Variants in PALS1 observed in about 807,000 individuals in gnomAD.
PALS1 encodes protein associated with LIN7 1, MAGUK p55 family member, also known as protein PALS1.
Under a neutral mutation model 78.9 loss-of-function variants are expected in PALS1, and 31 were observed. The ratio of observed to expected loss-of-function variants is 0.39; its 90% CI spans 0.30 to 0.53. PALS1 has a LOEUF of 0.53. Among genes scored for constraint, PALS1 ranks in the 20% least tolerant of loss-of-function variants. The probability of loss-of-function intolerance (pLI) is 0.67; values close to 1 mark genes in which losing one functional copy is unlikely to be tolerated. For missense variants in PALS1, 704 were observed against 826.5 expected, an observed-to-expected ratio of 0.85 and a Z score of 1.82; for synonymous variants, 276 against 270.9, an observed-to-expected ratio of 1.02 and a Z score of -0.18.
intron 2 of PALS1, among the ~76,000 whole-genome samples, chr14:67,275,729 T>C (rs111438880): frequency 0.31 from 47,496 of 152,058 alleles, 11,393 homozygotes; most frequent in African/African-American, 0.65. Flanking sequence ...TCGTAGAATT[T>C]GGCTGCGAAT....
At chr14:67,242,908 A>G (rs141478077) in intron 1 of PALS1, among the ~76,000 whole-genome samples, 1 of 152,292 alleles carries the variant, frequency 6.6e-6, no homozygotes, top group Non-Finnish European at 1.5e-5. Context: ...AGAATATATA[A>G]GTTCTACTTG....
chr14:67,253,840 A>G (rs1204068631), intron 1 of PALS1, among the ~76,000 whole-genome samples: 1 of 151,912 alleles, frequency 6.6e-6, no homozygotes, highest in Non-Finnish European at 1.5e-5. Context: ...CCCTGTCTCA[A>G]AAAGAAAAAA....
At position 67,296,330 on chromosome 14, in the gene PALS1, G is replaced by C. The variant is rs554708487; in HGVS notation, c.576+3611G>C. Among the ~76,000 whole-genome samples, 5 of 152,182 alleles carry C rather than the reference G, an allele frequency of 3.3e-5. No individual in the cohort carries two copies. The South Asian group carries it at 1.0e-3, about 32-fold the overall frequency. ...AGATGGTGTCCAGACGCCGGATGCA[G>C]TGGCTCACGCCTGTAATCCCAGCAT... On this transcript the variant is annotated intron_variant, in intron 4 of 14. Coordinates refer to ENST00000261681, the MANE Select transcript of PALS1 (RefSeq NM_022474.4).
intron 2 of PALS1, among the ~76,000 whole-genome samples, chr14:67,276,414 C>T (rs186785338): frequency 4.7e-4 from 71 of 152,254 alleles, no homozygotes; most frequent in African/African-American, 1.5e-3. Context: ...TTTTTAGTTG[C>T]CCTTTGAAAT....
At chr14:67,246,690 C>G (rs962492826) in intron 1 of PALS1, among the ~76,000 whole-genome samples, 26 of 124,402 alleles carry the variant, frequency 2.1e-4, no homozygotes, top group Admixed American at 1.0e-4. Flanking sequence ...CTTGCTCTCT[C>G]GCCAGGCTGG....
intron 4 of PALS1, among the ~76,000 whole-genome samples, chr14:67,296,932 G>A (rs2084863334): frequency 6.6e-6 from 1 of 152,168 alleles, no homozygotes; most frequent in African/African-American, 2.4e-5. Flanking sequence ...TGGGATTACA[G>A]GCGTGAGCCA....
chr14:67,277,654 C>T (rs189254616), intron 2 of PALS1, among the ~76,000 whole-genome samples: 14 of 151,666 alleles, frequency 9.2e-5, no homozygotes, highest in African/African-American at 3.4e-4. Flanking sequence ...ATGTAAACAA[C>T]CTGCCTATGT....
intron 14 of PALS1, among the ~76,000 whole-genome samples, chr14:67,325,564 A>G (rs1308825728): frequency 6.6e-6 from 1 of 152,182 alleles, no homozygotes; most frequent in Non-Finnish European, 1.5e-5. Context: ...TAACAAGAGA[A>G]ACGAGATTAA....
chr14:67,268,306 G>C (rs2084360211), intron 1 of PALS1, among the ~76,000 whole-genome samples: 1 of 152,174 alleles, frequency 6.6e-6, no homozygotes, highest in Non-Finnish European at 1.5e-5. Flanking sequence ...TGTTGAGATA[G>C]AACTCTCATA....
At chr14:67,244,206 CTT>C (rs1407217998) in intron 1 of PALS1, among the ~76,000 whole-genome samples, 1 of 152,100 alleles carries the variant, frequency 6.6e-6, no homozygotes, top group Non-Finnish European at 1.5e-5. Context: ...TAATGAATAT[CTT>C]TGTGTATGTC....
At chr14:67,307,359 T>TC (rs1431488982) in intron 8 of PALS1, among the ~76,000 whole-genome samples, 1 of 152,222 alleles carries the variant, frequency 6.6e-6, no homozygotes, top group African/African-American at 2.4e-5. Flanking sequence ...TGGGACTTTT[T>TC]CATTTAGTCT....
chr14:67,278,341 C>CTTTT (rs551435645), intron 2 of PALS1, among the ~76,000 whole-genome samples: 3 of 138,246 alleles, frequency 2.2e-5, no homozygotes, highest in Non-Finnish European at 4.8e-5. Context: ...CGGCCCAATT[C>CTTTT]TTTTTTTTTT....
At chr14:67,242,788 C>G (rs1171036437) in intron 1 of PALS1, among the ~76,000 whole-genome samples, 2 of 152,126 alleles carry the variant, frequency 1.3e-5, no homozygotes, top group Non-Finnish European at 1.5e-5. Flanking sequence ...CTTTAAAAAT[C>G]TGGTAAATTT....
chr14:67,243,192 T>C (rs2083930441), intron 1 of PALS1, among the ~76,000 whole-genome samples: 1 of 151,882 alleles, frequency 6.6e-6, no homozygotes, highest in Non-Finnish European at 1.5e-5. Flanking sequence ...AATTGTCTTT[T>C]CTTTTTTTTT....
At chr14:67,320,733 A>G (rs1176221887) in intron 12 of PALS1, among the ~76,000 whole-genome samples, 1 of 152,158 alleles carries the variant, frequency 6.6e-6, no homozygotes, top group East Asian at 1.9e-4. Flanking sequence ...TTATAAGATT[A>G]TATGGTACCT....
chr14:67,296,319 C>G (rs1009166373), intron 4 of PALS1, among the ~76,000 whole-genome samples: 2 of 152,000 alleles, frequency 1.3e-5, no homozygotes, highest in South Asian at 4.1e-4. Context: ...GGTGTCCAGA[C>G]GCCGGATGCA....
At chr14:67,254,038 A>G (rs113963837) in intron 1 of PALS1, among the ~76,000 whole-genome samples, 988 of 88,466 alleles carry the variant, frequency 0.011, 14 homozygotes, top group African/African-American at 0.042. Flanking sequence ...CCCCCCCCTT[A>G]CAAGTTTTCT....
chr14:67,305,446 A>T (rs768016371), intron 8 of PALS1, among the ~76,000 whole-genome samples: 2 of 152,040 alleles, frequency 1.3e-5, no homozygotes, highest in African/African-American at 4.8e-5. Context: ...CATCCGGCTA[A>T]TTTTTTTGTA....
chr14:67,264,408 G>A (rs1384570450), intron 1 of PALS1, among the ~76,000 whole-genome samples: 1 of 151,846 alleles, frequency 6.6e-6, no homozygotes, highest in African/African-American at 2.4e-5. Context: ...TGCCTTTGTT[G>A]CCTGTGCTTT....
Sources: gnomAD v4.1 joint callset for allele counts (sites outside exome capture counted in the v4.1 genomes callset) on GRCh38, gnomAD v4.1.1 for gene constraint, MANE v1.5 for transcripts, NCBI Gene and HGNC (gene_info 2026-07-23, HGNC 2026-07-21) for gene names.